RETREG1: variants seen among roughly 807,000 people sequenced by gnomAD.
The protein encoded by RETREG1 is reticulophagy regulator 1, also known as family with sequence similarity 134 member B.
Under a neutral mutation model 54.8 loss-of-function variants are expected in RETREG1, and 44 were observed. The ratio of observed to expected loss-of-function variants is 0.80; its 90% CI spans 0.63 to 1.03. RETREG1 has a LOEUF of 1.03. RETREG1 is among the 50% of genes least tolerant of loss of function. The pLI, the probability that RETREG1 is intolerant of heterozygous loss-of-function variation, is 0.00. For synonymous variants in RETREG1, 217 were observed against 238.5 expected (o/e 0.91, Z 0.83); for missense variants, 554 against 605.1 (o/e 0.92, Z 0.89).
At chr5:16,596,435 T>C (rs1019515423) in intron 1 of RETREG1, among the ~76,000 whole-genome samples, 2 of 152,196 alleles carry the variant, frequency 1.3e-5, no homozygotes, top group African/African-American at 4.8e-5. Context: ...TTTTGGAAGC[T>C]GACAAGGGGA....
intron 3 of RETREG1, among the ~76,000 whole-genome samples, chr5:16,497,719 C>A (rs1168946982): frequency 3.9e-5 from 6 of 152,180 alleles, no homozygotes; most frequent in Non-Finnish European, 8.8e-5. Flanking sequence ...CCACCATTGC[C>A]ATGCATGGCA....
At chr5:16,612,619 C>T (rs770750577) in intron 1 of RETREG1, among the ~76,000 whole-genome samples, 21 of 152,214 alleles carry the variant, frequency 1.4e-4, no homozygotes, top group South Asian at 1.0e-3. Context: ...CTCATCACCA[C>T]AAAACTATGG....
intron 3 of RETREG1, among the ~76,000 whole-genome samples, chr5:16,489,922 G>T (rs925994409): frequency 2.2e-4 from 34 of 152,190 alleles, no homozygotes; most frequent in African/African-American, 7.5e-4. Flanking sequence ...CAATGTTTTA[G>T]CATATACTAA....
chr5:16,539,733 G>T (rs550576625), intron 3 of RETREG1, among the ~76,000 whole-genome samples: 1 of 152,152 alleles, frequency 6.6e-6, no homozygotes, highest in African/African-American at 2.4e-5. Flanking sequence ...GTCAGGAGAC[G>T]CTGTCATCAC....
chr5:16,509,710 T>C (rs1331612993), intron 3 of RETREG1, among the ~76,000 whole-genome samples: 2 of 152,066 alleles, frequency 1.3e-5, no homozygotes, highest in East Asian at 3.9e-4. Context: ...ATTTTCAAAA[T>C]GTGTTGCCAG....
At position 16,594,527 on chromosome 5, in the gene RETREG1, C is replaced by T. The variant is rs528206952; in HGVS notation, c.320+22125G>A. ...ATCACCTGAACTCAGGAGATCAAGACCAGCCTCACCAACATGGCAAAACCC... is the reference window on the plus strand; with the variant it reads ...ATCACCTGAACTCAGGAGATCAAGATCAGCCTCACCAACATGGCAAAACCC... On this transcript the variant is annotated intron_variant, in intron 1 of 8. Transcript: ENST00000306320. The surrounding 1 kb of genome is among the most constrained non-coding windows in gnomAD (Gnocchi z 4.4). 6.6e-6 allele frequency among the ~76,000 whole-genome samples: 1 copy of T among 152,146 alleles called. No homozygotes were observed. The highest frequency in any genetic ancestry group is 2.1e-4 in the South Asian group (1 of 4,812).
chr5:16,506,131 T>C (rs1251129203), intron 3 of RETREG1, among the ~76,000 whole-genome samples: 1 of 152,256 alleles, frequency 6.6e-6, no homozygotes, highest in Non-Finnish European at 1.5e-5. Flanking sequence ...CAGTCTGCCC[T>C]GGATGCCTGG....
intron 1 of RETREG1, among the ~76,000 whole-genome samples, chr5:16,613,974 CA>C (rs572388472): frequency 2.6e-5 from 4 of 152,086 alleles, no homozygotes; most frequent in African/African-American, 9.6e-5. Context: ...AATTATAATG[CA>C]AAAGCAACAA....
intron 1 of RETREG1, among the ~76,000 whole-genome samples, chr5:16,590,246 T>G (rs2434403): frequency 0.56 from 85,232 of 151,874 alleles, 24,202 homozygotes; most frequent in Non-Finnish European, 0.61. Context: ...CCCCTCACAC[T>G]CACAGGTCAT....
At chr5:16,591,454 C>T (rs1252347473) in intron 1 of RETREG1, among the ~76,000 whole-genome samples, 3 of 152,120 alleles carry the variant, frequency 2.0e-5, no homozygotes, top group East Asian at 1.9e-4. Flanking sequence ...AAAAGTGAGT[C>T]GCTGGGGATG....
rs112396229 is a variant in RETREG1 at position 16,496,618 on chromosome 5, T to C, written c.459-13146A>G. Among the ~76,000 whole-genome samples the C allele has an allele frequency of 6.6e-3, 1,001 of 152,266 alleles. 13 individuals are homozygous for C. Among genetic ancestry groups the C allele is most frequent in the African/African-American group, 0.023 (965 of 41,560 alleles). ...ACCCAGCTGAAACTCAGAATTCCAT[T>C]ACCCAAAAAAGAAAGGGAAGCTGGG... On this transcript the variant is annotated intron_variant, in intron 3 of 8. Coordinates refer to ENST00000306320, the MANE Select transcript of RETREG1 (RefSeq NM_001034850.3).
chr5:16,481,999 A>T (rs759185118), intron 4 of RETREG1, among the ~76,000 whole-genome samples: 1 of 152,084 alleles, frequency 6.6e-6, no homozygotes, highest in Non-Finnish European at 1.5e-5. Context: ...GAAGGAATAC[A>T]TACCTCTGAC....
At chr5:16,491,685 C>T (rs1410368277) in intron 3 of RETREG1, among the ~76,000 whole-genome samples, 1 of 152,010 alleles carries the variant, frequency 6.6e-6, no homozygotes, top group Non-Finnish European at 1.5e-5. Context: ...TTGTTTTGTT[C>T]TTTCTTGCAA....
intron 1 of RETREG1, among the ~76,000 whole-genome samples, chr5:16,600,568 C>A (rs749274600): frequency 6.6e-6 from 1 of 152,180 alleles, no homozygotes; most frequent in African/African-American, 2.4e-5. Flanking sequence ...CCAGAACACT[C>A]GGAGTCAGGC....
chr5:16,538,761 G>T (rs889808122), intron 3 of RETREG1, among the ~76,000 whole-genome samples: 1 of 151,608 alleles, frequency 6.6e-6, no homozygotes, highest in Non-Finnish European at 1.5e-5. Context: ...CTGGAGTGCA[G>T]TGGCACGATC....
chr5:16,543,160 T>C lies in RETREG1; in HGVS notation c.458+22603A>G, dbSNP rs556507854. Among the ~76,000 whole-genome samples, 3 of 152,366 alleles carry C rather than the reference T, an allele frequency of 2.0e-5. No homozygotes were observed. The East Asian group carries it at 5.8e-4, about 29-fold the overall frequency. On this transcript the variant is annotated intron_variant, in intron 3 of 8. Coordinates refer to ENST00000306320, the MANE Select transcript of RETREG1 (RefSeq NM_001034850.3). Reference sequence around the variant, plus strand: ...AGATTCTTTCATGTTATTTGATTTGTATCAATAATTCACTCACTTTTATTG... The same window carrying C: ...AGATTCTTTCATGTTATTTGATTTGCATCAATAATTCACTCACTTTTATTG...
At chr5:16,530,174 T>C (rs1445279235) in intron 3 of RETREG1, among the ~76,000 whole-genome samples, 4 of 152,216 alleles carry the variant, frequency 2.6e-5, no homozygotes, top group African/African-American at 7.2e-5. Context: ...TTCCAAGTTG[T>C]ATTCACTTCT....
chr5:16,538,022 T>C (rs1174263135), intron 3 of RETREG1, among the ~76,000 whole-genome samples: 1 of 152,190 alleles, frequency 6.6e-6, no homozygotes, highest in African/African-American at 2.4e-5. Flanking sequence ...TTCATTTTAC[T>C]GTGGCCTGCA....
At position 16,536,546 on chromosome 5, in the gene RETREG1, C is replaced by T. The variant is rs116112247; in HGVS notation, c.458+29217G>A. Among the ~76,000 whole-genome samples the T allele has an allele frequency of 2.8e-3, 425 of 152,030 alleles. 2 individuals carry two copies. Among genetic ancestry groups the T allele is most frequent in the African/African-American group, 9.5e-3 (396 of 41,512 alleles). ...AACACGTCAACACACTCTAACTCCT[C>T]GCCCAAGGAGCCACCAAGAGACACC... On this transcript the variant is annotated intron_variant, in intron 3 of 8. Transcript: ENST00000306320.
Sources: allele counts gnomAD v4.1 joint callset (sites outside exome capture counted in the v4.1 genomes callset), GRCh38; gene constraint gnomAD v4.1.1; non-coding constraint Gnocchi (gnomAD v3.1); transcripts MANE v1.5; gene names NCBI Gene and HGNC (gene_info 2026-07-23, HGNC 2026-07-21).